PTPRD: variants seen among roughly 807,000 people sequenced by gnomAD.
The protein encoded by PTPRD is protein tyrosine phosphatase receptor type D.
PTPRD carries 34 observed loss-of-function variants against 214.5 expected under a neutral mutation model. The observed-to-expected ratio is 0.16, with a 90% CI of 0.12 to 0.21. PTPRD has a LOEUF of 0.21. Ranked by LOEUF, PTPRD falls within the 10% of genes least tolerant of loss-of-function variation. The probability of loss-of-function intolerance (pLI) is 1.00; values close to 1 mark genes in which losing one functional copy is unlikely to be tolerated. For synonymous variants in PTPRD, 1,128 were observed against 845.7 expected, an observed-to-expected ratio of 1.33 and a Z score of -5.79; for missense variants, 2,545 against 2,398.7, an observed-to-expected ratio of 1.06 and a Z score of -1.27.
intron 27 of PTPRD, 59 bp from the exon 28 acceptor site, chr9:8,486,408 A>G (rs374625147): frequency 3.5e-6 from 5 of 1,417,246 alleles, no homozygotes; most frequent in Non-Finnish European, 5.0e-6. Context: ...CATTTCAGTC[A>G]TTGCCAAATG....
intron 9 of PTPRD, among the ~76,000 whole-genome samples, chr9:9,224,142 T>C (rs1017149374): frequency 1.3e-5 from 2 of 152,080 alleles, no homozygotes; most frequent in African/African-American, 4.8e-5. Context: ...AATGAGGAAG[T>C]TGAGAGAGAG....
chr9:8,610,715 A>G (rs1034394544), intron 14 of PTPRD, among the ~76,000 whole-genome samples: 1 of 152,312 alleles, frequency 6.6e-6, no homozygotes, highest in South Asian at 2.1e-4. Context: ...CACTGTTTGA[A>G]GTTACAGGGA....
intron 11 of PTPRD, among the ~76,000 whole-genome samples, chr9:8,971,168 T>C (rs2099235877): frequency 6.6e-6 from 1 of 151,880 alleles, no homozygotes; most frequent in Admixed American, 6.6e-5. Context: ...TTAACCCAAG[T>C]AATTTATATT....
intron 3 of PTPRD, among the ~76,000 whole-genome samples, chr9:10,084,523 A>T (rs2098296508): frequency 6.6e-6 from 1 of 151,998 alleles, no homozygotes; most frequent in Admixed American, 6.6e-5. Flanking sequence ...CTCACACATT[A>T]TTCTGCATGA....
intron 2 of PTPRD, among the ~76,000 whole-genome samples, chr9:10,412,247 A>G (rs538168333): frequency 6.6e-6 from 1 of 151,964 alleles, no homozygotes; most frequent in Non-Finnish European, 1.5e-5. Flanking sequence ...CACTGACCCC[A>G]CAGAAATAAA....
chr9:9,594,784 A>G (rs768870436), intron 7 of PTPRD, among the ~76,000 whole-genome samples: 2 of 152,134 alleles, frequency 1.3e-5, no homozygotes, highest in Non-Finnish European at 2.9e-5. Flanking sequence ...TAGTCAGCAG[A>G]GTAAACAGAC....
intron 11 of PTPRD, among the ~76,000 whole-genome samples, chr9:8,960,862 GA>G (rs1567251655): frequency 6.6e-6 from 1 of 152,002 alleles, no homozygotes; most frequent in African/African-American, 2.4e-5. Flanking sequence ...TGAGGTAATG[GA>G]TAAGAAAGCA....
At chr9:9,221,188 T>C (rs1004123719) in intron 9 of PTPRD, among the ~76,000 whole-genome samples, 7 of 152,052 alleles carry the variant, frequency 4.6e-5, no homozygotes, top group African/African-American at 1.7e-4. Context: ...ATGTAGTAAC[T>C]AAGGAAAATT....
intron 8 of PTPRD, among the ~76,000 whole-genome samples, chr9:9,464,263 G>A (rs2093939256): frequency 1.3e-5 from 2 of 152,012 alleles, no homozygotes. Flanking sequence ...GTATCCAATA[G>A]GTAATCTTTC....
chr9:10,149,371 A>T (rs2099045180), intron 3 of PTPRD, among the ~76,000 whole-genome samples: 1 of 152,214 alleles, frequency 6.6e-6, no homozygotes, highest in African/African-American at 2.4e-5. Flanking sequence ...GTGTACAAAA[A>T]GTTTTTAAAA....
chr9:9,518,227 A>C (rs1329880765), intron 8 of PTPRD, among the ~76,000 whole-genome samples: 1 of 152,090 alleles, frequency 6.6e-6, no homozygotes, highest in Non-Finnish European at 1.5e-5. Context: ...TATAAGTTAG[A>C]GACAAAGCAG....
intron 3 of PTPRD, among the ~76,000 whole-genome samples, chr9:10,110,896 A>T (rs1053480434): frequency 6.6e-6 from 1 of 152,184 alleles, no homozygotes; most frequent in Non-Finnish European, 1.5e-5. Flanking sequence ...CTTAACAAGA[A>T]TTTTAGTGAA....
At chr9:8,434,965 C>T (rs1043245474) in intron 35 of PTPRD, among the ~76,000 whole-genome samples, 3 of 152,100 alleles carry the variant, frequency 2.0e-5, no homozygotes, top group African/African-American at 4.8e-5. Flanking sequence ...ACGTGCAATC[C>T]GGTGTGAATT....
At chr9:9,695,713 A>G (rs557407227) in intron 7 of PTPRD, among the ~76,000 whole-genome samples, 2 of 152,184 alleles carry the variant, frequency 1.3e-5, no homozygotes, top group East Asian at 1.9e-4. Flanking sequence ...ACTGTTTTGC[A>G]TATGTTTAAC....
chr9:10,354,493 C>T (rs1296252430), intron 2 of PTPRD, among the ~76,000 whole-genome samples: 1 of 152,126 alleles, frequency 6.6e-6, no homozygotes, highest in Non-Finnish European at 1.5e-5. Context: ...AATAAATGTG[C>T]ACAAGACAGT....
intron 31 of PTPRD, among the ~76,000 whole-genome samples, chr9:8,467,272 T>C (rs1591305085): frequency 6.6e-6 from 1 of 152,006 alleles, no homozygotes; most frequent in South Asian, 2.1e-4. Context: ...GTTATGCTGA[T>C]CAATTATGCA....
chr9:9,089,780 A>G (rs1218041009), intron 10 of PTPRD, among the ~76,000 whole-genome samples: 1 of 152,210 alleles, frequency 6.6e-6, no homozygotes, highest in Non-Finnish European at 1.5e-5. Context: ...TAGTTTTGTG[A>G]AGGTTTCCAA....
At chr9:8,643,928 C>T (rs1257711251) in intron 12 of PTPRD, among the ~76,000 whole-genome samples, 1 of 152,156 alleles carries the variant, frequency 6.6e-6, no homozygotes, top group Admixed American at 6.5e-5. Context: ...CAGGGAGGGC[C>T]TGAAGTCTGA....
chr9:9,220,516 T>G (rs1415858524), intron 9 of PTPRD, among the ~76,000 whole-genome samples: 7 of 152,074 alleles, frequency 4.6e-5, no homozygotes, highest in Non-Finnish European at 8.8e-5. Context: ...TAAAACTGTT[T>G]CTGAAACTTT....
Sources: allele counts gnomAD v4.1 joint callset (sites outside exome capture counted in the v4.1 genomes callset), GRCh38; gene constraint gnomAD v4.1.1; transcripts MANE v1.5; gene names NCBI Gene and HGNC (gene_info 2026-07-23, HGNC 2026-07-21).